The following CFAP210 variants were observed in gnomAD, a reference collection of about 807,000 sequenced individuals.
The protein encoded by CFAP210 is cilia- and flagella- associated protein 210.
the CFAP210 span, chr2:169,650,396 C>CT: frequency 1.2e-6 from 2 of 1,602,578 alleles, no homozygotes; most frequent in African/African-American, 1.4e-5. Flanking sequence ...TTCTCTTTCT[C>CT]TTTTTTCCCA....
chr2:169,675,447 G>A, the CFAP210 span, among the ~76,000 whole-genome samples: 1 of 152,200 alleles, frequency 6.6e-6, no homozygotes. Flanking sequence ...TGTGGCGGAA[G>A]GCAAAGGGGG....
chr2:169,689,713 T>G, the CFAP210 span, among the ~76,000 whole-genome samples: 1 of 152,200 alleles, frequency 6.6e-6, no homozygotes, highest in African/African-American at 2.4e-5. Flanking sequence ...CTATCACCAT[T>G]AACTATGATG....
At chr2:169,666,874 C>G in the CFAP210 span, among the ~76,000 whole-genome samples, 1 of 152,248 alleles carries the variant, frequency 6.6e-6, no homozygotes, top group East Asian at 1.9e-4. Flanking sequence ...TAGATTCCAT[C>G]TCAAGAAACC....
the CFAP210 span, among the ~76,000 whole-genome samples, chr2:169,686,661 T>A: frequency 6.6e-6 from 1 of 152,160 alleles, no homozygotes; most frequent in Non-Finnish European, 1.5e-5. Flanking sequence ...AATTCCAGCA[T>A]AAGCCATTAA....
At chr2:169,668,573 A>G in the CFAP210 span, among the ~76,000 whole-genome samples, 1 of 151,714 alleles carries the variant, frequency 6.6e-6, no homozygotes, top group Non-Finnish European at 1.5e-5. Flanking sequence ...GAGACGTGCA[A>G]CTCTTCCTTT....
At chr2:169,686,446 T>C in the CFAP210 span, among the ~76,000 whole-genome samples, 12 of 152,148 alleles carry the variant, frequency 7.9e-5, no homozygotes, top group Non-Finnish European at 1.3e-4. Context: ...TACCTGAAAC[T>C]AGATAATTTA....
the CFAP210 span, among the ~76,000 whole-genome samples, chr2:169,694,065 C>T: frequency 6.6e-6 from 1 of 152,140 alleles, no homozygotes; most frequent in African/African-American, 2.4e-5. Context: ...TCCCCGTTTC[C>T]CTCCTTCACC....
chr2:169,666,647 A>G, the CFAP210 span, among the ~76,000 whole-genome samples: 1 of 151,882 alleles, frequency 6.6e-6, no homozygotes, highest in African/African-American at 2.4e-5. Flanking sequence ...GCAATTTATT[A>G]AAATAAGACA....
the CFAP210 span, among the ~76,000 whole-genome samples, chr2:169,649,569 T>C: frequency 6.6e-6 from 1 of 152,168 alleles, no homozygotes; most frequent in Non-Finnish European, 1.5e-5. Flanking sequence ...AGGACAATCC[T>C]TATTGGCTTG....
the CFAP210 span, among the ~76,000 whole-genome samples, chr2:169,656,747 T>A: frequency 6.6e-6 from 1 of 152,016 alleles, no homozygotes. Context: ...GCAGATCACC[T>A]GAGGTCAGGA....
At chr2:169,654,251 A>G in the CFAP210 span, 2 of 1,508,670 alleles carry the variant, frequency 1.3e-6, no homozygotes, top group Non-Finnish European at 1.8e-6. Flanking sequence ...CTTATCACAA[A>G]GAAAAATATC....
the CFAP210 span, among the ~76,000 whole-genome samples, chr2:169,669,446 C>A: frequency 6.6e-6 from 1 of 151,938 alleles, no homozygotes; most frequent in African/African-American, 2.4e-5. Context: ...GATAAAATAT[C>A]TCTGGATGAT....
chr2:169,645,529 G>GT, the CFAP210 span: 1 of 251,436 alleles, frequency 4.0e-6, no homozygotes, highest in Non-Finnish European at 7.7e-6. Context: ...TAATGAATGG[G>GT]TATGGGGTTT....
chr2:169,675,493 G>A, the CFAP210 span, among the ~76,000 whole-genome samples: 2 of 152,202 alleles, frequency 1.3e-5, no homozygotes, highest in African/African-American at 4.8e-5. Flanking sequence ...AAACAAGAAA[G>A]TGAAGGCAGG....
chr2:169,676,002 T>C, the CFAP210 span, among the ~76,000 whole-genome samples: 3 of 152,240 alleles, frequency 2.0e-5, no homozygotes, highest in African/African-American at 4.8e-5. Flanking sequence ...AAAGTTTTAG[T>C]GTTTTGCCAT....
the CFAP210 span, among the ~76,000 whole-genome samples, chr2:169,650,712 C>T: frequency 1.4e-5 from 2 of 146,966 alleles, no homozygotes; most frequent in African/African-American, 5.1e-5. Flanking sequence ...TTCTAAAATC[C>T]AAAGACAGTA....
the CFAP210 span, among the ~76,000 whole-genome samples, chr2:169,692,444 G>GCGCGCACA: frequency 2.1e-3 from 303 of 143,782 alleles, 1 homozygote; most frequent in Middle Eastern, 0.017. Flanking sequence ...ACAGGCGCAC[G>GCGCGCACA]CACACACACA....
At chr2:169,676,216 A>T in the CFAP210 span, among the ~76,000 whole-genome samples, 1 of 151,916 alleles carries the variant, frequency 6.6e-6, no homozygotes, top group Admixed American at 6.6e-5. Flanking sequence ...CTCTCTTCTG[A>T]CCTATTATTT....
chr2:169,649,121 G>C, the CFAP210 span: 1 of 1,398,000 alleles, frequency 7.2e-7, no homozygotes, highest in Non-Finnish European at 9.6e-7. Context: ...TAGAAAACTA[G>C]CATGAATTCT....
Sources: gnomAD v4.1 joint callset for allele counts (sites outside exome capture counted in the v4.1 genomes callset) on GRCh38, gnomAD v4.1.1 for gene constraint, MANE v1.5 for transcripts, NCBI Gene and HGNC (gene_info 2026-07-23, HGNC 2026-07-21) for gene names.